The following CPNE4 variants were observed in gnomAD, a reference collection of about 807,000 sequenced individuals.
CPNE4 encodes the protein copine 4.
Under a neutral mutation model 67.9 loss-of-function variants are expected in CPNE4, and 25 were observed. The observed-to-expected ratio is 0.37, with a 90% CI of 0.27 to 0.51. CPNE4 has a LOEUF of 0.51. Ranked by LOEUF, CPNE4 falls within the 20% of genes least tolerant of loss-of-function variation. The probability of loss-of-function intolerance (pLI) is 0.93; values close to 1 mark genes in which losing one functional copy is unlikely to be tolerated. For synonymous variants in CPNE4, 242 were observed against 244.9 expected (o/e 0.99, Z 0.11); for missense variants, 464 against 690.8 (o/e 0.67, Z 3.68).
intron 2 of CPNE4, among the ~76,000 whole-genome samples, chr3:131,871,668 T>C (rs556907211): frequency 1.3e-5 from 2 of 152,296 alleles, no homozygotes; most frequent in African/African-American, 4.8e-5. Flanking sequence ...GTCTGACCGA[T>C]ACCAACTTCG....
chr3:131,569,170 C>T (rs918421366), intron 10 of CPNE4, among the ~76,000 whole-genome samples: 6 of 151,948 alleles, frequency 3.9e-5, no homozygotes, highest in African/African-American at 1.4e-4. Flanking sequence ...ACCCATTGTA[C>T]CCTGGCTTTG....
At chr3:131,869,258 G>C (rs112898845) in intron 2 of CPNE4, among the ~76,000 whole-genome samples, 63 of 152,238 alleles carry the variant, frequency 4.1e-4, no homozygotes, top group African/African-American at 1.3e-3. Context: ...TCACTGTGCT[G>C]AGTGAGCCCC....
At chr3:131,554,845 C>A (rs563501863) in intron 12 of CPNE4, among the ~76,000 whole-genome samples, 1 of 152,026 alleles carries the variant, frequency 6.6e-6, no homozygotes, top group Non-Finnish European at 1.5e-5. Context: ...CTAGTGGGCA[C>A]GAGTTCTCTG....
At chr3:131,778,617 C>T (rs2107848112) in intron 2 of CPNE4, among the ~76,000 whole-genome samples, 1 of 152,192 alleles carries the variant, frequency 6.6e-6, no homozygotes, top group Middle Eastern at 3.4e-3. Context: ...AGATCAGAAA[C>T]TTTGTTTCTT....
At chr3:131,575,473 A>G (rs1937528404) in intron 9 of CPNE4, among the ~76,000 whole-genome samples, 1 of 152,150 alleles carries the variant, frequency 6.6e-6, no homozygotes, top group South Asian at 2.1e-4. Context: ...ACTTGACTTC[A>G]GTCTTGCCTC....
intron 6 of CPNE4, among the ~76,000 whole-genome samples, chr3:131,682,958 G>C (rs543309540): frequency 6.6e-6 from 1 of 151,972 alleles, no homozygotes; most frequent in Non-Finnish European, 1.5e-5. Flanking sequence ...TACCACCAAC[G>C]TTCACTCAGG....
At chr3:131,736,481 A>G (rs1272757418) in intron 2 of CPNE4, among the ~76,000 whole-genome samples, 3 of 151,814 alleles carry the variant, frequency 2.0e-5, no homozygotes, top group Non-Finnish European at 4.4e-5. Context: ...TTAACTGGGC[A>G]TGGTGGCGCA....
chr3:132,005,966 A>G (rs1435519641), intron 1 of CPNE4, among the ~76,000 whole-genome samples: 1 of 152,140 alleles, frequency 6.6e-6, no homozygotes, highest in African/African-American at 2.4e-5. Flanking sequence ...GAGGTTATTA[A>G]CATCTCTGAG....
chr3:131,792,451 C>T (rs1304117812), intron 2 of CPNE4, among the ~76,000 whole-genome samples: 2 of 151,234 alleles, frequency 1.3e-5, no homozygotes, highest in Non-Finnish European at 2.9e-5. Context: ...AAATCTCAAC[C>T]TATGGCATGA....
rs1325982092 is a variant in CPNE4, at chr3:131,889,081, T to C, written c.180+16183A>G. ...CCCTTTAATATAAAAGTATTGAATA[T>C]CTATTAAGTGTTCACTATGCACCAG... is the stretch of plus-strand genomic sequence containing the variant. On this transcript the variant is annotated intron_variant, in intron 2 of 15. Transcript: ENST00000429747. Among the ~76,000 whole-genome samples the C allele has an allele frequency of 2.0e-5, 3 of 152,278 alleles. No homozygotes were observed. In the East Asian group the frequency reaches 5.8e-4, roughly 29 times the overall value.
rs901995088 is a variant in CPNE4, at chr3:131,904,651, T to C, written c.180+613A>G. 2.0e-5 allele frequency among the ~76,000 whole-genome samples: 3 copies of C among 152,026 alleles called. No individual in the cohort carries two copies. The South Asian group carries it at 6.2e-4, about 32-fold the overall frequency. The stretch of plus-strand genomic sequence containing the variant: ...TGGATAGTAAGTAGCCCAGCCCAGC[T>C]CCCAAAAGTGGAGTTTGCCCCTCTA... On this transcript the variant is annotated intron_variant, in intron 2 of 15. Transcript: ENST00000429747.
chr3:132,016,564 A>T (rs1320898), intron 1 of CPNE4, among the ~76,000 whole-genome samples: 125 of 152,110 alleles, frequency 8.2e-4, no homozygotes, highest in African/African-American at 2.6e-3. Flanking sequence ...AGGAACCCTG[A>T]GAGAGAAAAA....
At chr3:131,607,104 TC>T (rs1939556175) in intron 7 of CPNE4, among the ~76,000 whole-genome samples, 1 of 151,758 alleles carries the variant, frequency 6.6e-6, no homozygotes, top group African/African-American at 2.4e-5. Flanking sequence ...GCAATTCTCC[TC>T]CTCTAAACAA....
At chr3:131,551,512 G>A (rs1936170917) in intron 13 of CPNE4, among the ~76,000 whole-genome samples, 1 of 152,002 alleles carries the variant, frequency 6.6e-6, no homozygotes, top group Non-Finnish European at 1.5e-5. Context: ...GGGGTGGTTG[G>A]GGATGAGGAA....
At chr3:131,688,072 G>C (rs184139004) in intron 5 of CPNE4, among the ~76,000 whole-genome samples, 17 of 152,302 alleles carry the variant, frequency 1.1e-4, no homozygotes, top group African/African-American at 4.1e-4. Context: ...GAGGCAGGGG[G>C]AATCATTGAA....
intron 4 of CPNE4, among the ~76,000 whole-genome samples, chr3:131,696,907 C>T (rs79159569): frequency 0.017 from 2,540 of 152,256 alleles, 40 homozygotes; most frequent in African/African-American, 0.044. Flanking sequence ...GAGCTTCTTT[C>T]TTTAAAGGTC....
chr3:131,614,421 AG>A (rs1352453204), intron 7 of CPNE4, among the ~76,000 whole-genome samples: 1 of 152,240 alleles, frequency 6.6e-6, no homozygotes, highest in Non-Finnish European at 1.5e-5. Context: ...GTGAAAGCAA[AG>A]GAGAGGGGTG....
chr3:131,698,161 G>A (rs2081200206), intron 4 of CPNE4, among the ~76,000 whole-genome samples: 1 of 145,244 alleles, frequency 6.9e-6, no homozygotes, highest in Non-Finnish European at 1.5e-5. Flanking sequence ...CGTGAACCCG[G>A]GAGGTGGAAC....
chr3:131,558,018 T>C (rs1316630850), intron 11 of CPNE4, among the ~76,000 whole-genome samples: 1 of 151,984 alleles, frequency 6.6e-6, no homozygotes, highest in East Asian at 1.9e-4. Flanking sequence ...CCCTATGGTG[T>C]TCTAGCGTTA....
Sources: allele counts gnomAD v4.1 joint callset (sites outside exome capture counted in the v4.1 genomes callset), GRCh38; gene constraint gnomAD v4.1.1; transcripts MANE v1.5; gene names NCBI Gene and HGNC (gene_info 2026-07-23, HGNC 2026-07-21).